The following MLLT3 variants were observed in gnomAD, a reference collection of about 807,000 sequenced individuals.
MLLT3 encodes MLLT3 super elongation complex subunit, also known as protein AF-9.
MLLT3 carries 4 observed loss-of-function variants against 53.2 expected under a neutral mutation model. That is an observed-to-expected ratio of 0.08 (90% CI 0.04 to 0.17). The LOEUF (loss-of-function observed/expected upper bound fraction) is 0.17. MLLT3 is among the 10% of genes least tolerant of loss of function. The pLI is 1.00. For synonymous variants in MLLT3, 283 were observed against 230.6 expected (o/e 1.23, Z -2.06); for missense variants, 569 against 684.0 (o/e 0.83, Z 1.87).
intron 2 of MLLT3, among the ~76,000 whole-genome samples, chr9:20,568,140 C>A (rs549273053): frequency 6.6e-6 from 1 of 152,088 alleles, no homozygotes; most frequent in East Asian, 1.9e-4. Flanking sequence ...TAAAAGCATC[C>A]GCCACTGAGA....
At chr9:20,605,608 C>G (rs939554667) in intron 2 of MLLT3, among the ~76,000 whole-genome samples, 10 of 151,948 alleles carry the variant, frequency 6.6e-5, no homozygotes, top group African/African-American at 2.2e-4. Flanking sequence ...TATTGTCTTA[C>G]TCAAGTAATT....
intron 2 of MLLT3, among the ~76,000 whole-genome samples, chr9:20,553,239 G>A (rs1818970165): frequency 6.6e-6 from 1 of 152,140 alleles, no homozygotes; most frequent in Admixed American, 6.5e-5. Context: ...AAATGTAACT[G>A]TAGAAAACAG....
rs1198340187 is a variant in MLLT3, at chr9:20,599,913, A to G, written c.193+20741T>C. Among the ~76,000 whole-genome samples, 75 of 152,078 alleles carry G rather than the reference A, an allele frequency of 4.9e-4. 1 individual carries two copies. Among genetic ancestry groups the G allele is most frequent in the Non-Finnish European group, 1.5e-4 (10 of 68,006 alleles). On this transcript the variant is annotated intron_variant, in intron 2 of 10. Transcript: ENST00000380338. ...AAAATTAAACCTTCAGTAACTATAA[A>G]TTGCTTAGCTTTCTTCTTTTTTCAC...
intron 2 of MLLT3, among the ~76,000 whole-genome samples, chr9:20,530,992 T>C (rs1369440636): frequency 2.0e-5 from 3 of 152,108 alleles, no homozygotes; most frequent in Non-Finnish European, 4.4e-5. Context: ...TTTAACCTAA[T>C]TTAATTCATC....
At position 20,414,240 on chromosome 9, in the gene MLLT3, C is replaced by G. The variant is rs143824372; in HGVS notation, c.606G>C (p.Glu202Asp). ...SFSKPHKLMK[E>D]HKEKPSKDSR... ...AGTCTTTAGAAGGTTTTTCCTTGTG[C>G]TCCTTCATTAATTTGTGAGGCTTTG... The change falls in exon 5 of 11, where the codon GAG (glutamate) becomes GAC (aspartate). Residue 202 changes from glutamate (E) to aspartate (D), a missense_variant. By Grantham distance (45) the Glu-to-Asp change is conservative. Around this residue, in one of 5 missense-constraint regions of MLLT3, gnomAD observed 437 missense variants for 376.5 expected, o/e 1.16. Coordinates refer to ENST00000380338, the MANE Select transcript of MLLT3 (RefSeq NM_004529.4). 6.2e-7 allele frequency: 1 copy of G among 1,613,926 alleles called. No individual in the cohort carries two copies. The highest frequency in any genetic ancestry group is 1.3e-5 in the African/African-American group (1 of 75,014).
intron 2 of MLLT3, among the ~76,000 whole-genome samples, chr9:20,462,662 T>C (rs1175631208): frequency 6.6e-6 from 1 of 152,130 alleles, no homozygotes; most frequent in Non-Finnish European, 1.5e-5. Flanking sequence ...CTTTTTCTCA[T>C]TGCATCATAT....
At position 20,413,722 on chromosome 9, in the gene MLLT3, T is replaced by C; in HGVS notation, c.1124A>G (p.Asp375Gly). 2 of 1,580,916 alleles carry C rather than the reference T, an allele frequency of 1.3e-6. No individual in the cohort carries two copies. The highest frequency in any genetic ancestry group is 1.7e-6 in the Non-Finnish European group (2 of 1,167,832). ...DVEENISSKSDSEQPSPASSS... is the reference protein window; with the variant it reads ...DVEENISSKSGSEQPSPASSS... ...AGAAAGCCAGTAAGAACTACTCACA[T>C]CAGATTTAGAGGATATATTCTCCTC... Residue 375 changes from aspartate to glycine, a missense_variant and splice_region_variant, in exon 5 of 11, where the codon GAT (aspartate) becomes GGT (glycine). Asp to Gly is a moderately conservative substitution (Grantham distance 94). Transcript: ENST00000380338.
intron 2 of MLLT3, among the ~76,000 whole-genome samples, chr9:20,483,417 C>G (rs929224760): frequency 1.3e-5 from 2 of 149,858 alleles, no homozygotes; most frequent in African/African-American, 4.9e-5. Context: ...TTTTTTTTAA[C>G]TTTAAGGATC....
intron 4 of MLLT3, among the ~76,000 whole-genome samples, chr9:20,440,162 T>C (rs1282988815): frequency 4.6e-5 from 7 of 152,206 alleles, no homozygotes; most frequent in Non-Finnish European, 1.0e-4. Context: ...GGAGATATTA[T>C]GCTTATTTTA....
chr9:20,423,587 A>G (rs1823069239), intron 4 of MLLT3, among the ~76,000 whole-genome samples: 1 of 151,704 alleles, frequency 6.6e-6, no homozygotes, highest in Non-Finnish European at 1.5e-5. Context: ...CCAAGGAAGG[A>G]GGATCACTTG....
intron 5 of MLLT3, among the ~76,000 whole-genome samples, chr9:20,391,571 A>C (rs995771621): frequency 1.1e-4 from 17 of 152,164 alleles, no homozygotes; most frequent in South Asian, 2.1e-4. Flanking sequence ...TCATCATCTC[A>C]TCTCACCTAT....
intron 2 of MLLT3, among the ~76,000 whole-genome samples, chr9:20,583,236 T>C (rs1465657693): frequency 3.3e-5 from 5 of 152,332 alleles, no homozygotes; most frequent in South Asian, 4.1e-4. Flanking sequence ...GAGATCGTGC[T>C]GATACCAAGA....
intron 2 of MLLT3, among the ~76,000 whole-genome samples, chr9:20,569,793 G>A (rs1048146113): frequency 6.6e-6 from 1 of 152,094 alleles, no homozygotes; most frequent in Non-Finnish European, 1.5e-5. Flanking sequence ...CTGTTTAGTG[G>A]AGCTAACATA....
chr9:20,351,776 G>A (rs754117701), intron 10 of MLLT3, among the ~76,000 whole-genome samples: 13 of 152,190 alleles, frequency 8.5e-5, no homozygotes, highest in Non-Finnish European at 1.8e-4. Context: ...CATGAGATGA[G>A]CAGCCCTCAA....
intron 2 of MLLT3, among the ~76,000 whole-genome samples, chr9:20,540,366 C>T (rs985351080): frequency 2.0e-5 from 3 of 152,252 alleles, no homozygotes; most frequent in Non-Finnish European, 4.4e-5. Context: ...GTGGCCTCCA[C>T]CCTTCCAGCA....
At chr9:20,566,478 C>A (rs2131158709) in intron 2 of MLLT3, among the ~76,000 whole-genome samples, 1 of 152,180 alleles carries the variant, frequency 6.6e-6, no homozygotes, top group South Asian at 2.1e-4. Context: ...TCCCTCCAAT[C>A]CCTGCTAACC....
At chr9:20,397,277 T>C (rs921723178) in intron 5 of MLLT3, among the ~76,000 whole-genome samples, 1 of 152,172 alleles carries the variant, frequency 6.6e-6, no homozygotes, top group East Asian at 1.9e-4. Flanking sequence ...TTGTACATTA[T>C]TGGTTTCTAA....
At chr9:20,350,190 C>T (rs1186147633) in intron 10 of MLLT3, among the ~76,000 whole-genome samples, 2 of 152,198 alleles carry the variant, frequency 1.3e-5, no homozygotes, top group African/African-American at 4.8e-5. Flanking sequence ...ACAGGAATAC[C>T]CTCTTTGCTG....
intron 2 of MLLT3, among the ~76,000 whole-genome samples, chr9:20,481,616 C>CA (rs1218076605): frequency 6.6e-6 from 1 of 152,128 alleles, no homozygotes; most frequent in African/African-American, 2.4e-5. Context: ...AATAGCTCCC[C>CA]ACCCACTTCC....
Sources: allele counts gnomAD v4.1 joint callset (sites outside exome capture counted in the v4.1 genomes callset), GRCh38; gene constraint gnomAD v4.1.1; regional missense constraint gnomAD v4.1.1; transcripts MANE v1.5; gene names NCBI Gene and HGNC (gene_info 2026-07-23, HGNC 2026-07-21).